Variants in PDZRN4 observed in about 807,000 individuals in gnomAD.
The protein encoded by PDZRN4 is PDZ domain-containing RING finger protein 4.
In PDZRN4, 70 loss-of-function variants were observed where a neutral mutation model predicts 99.0. The ratio of observed to expected loss-of-function variants is 0.71; its 90% CI spans 0.58 to 0.86. PDZRN4 has a LOEUF of 0.86. Among genes scored for constraint, PDZRN4 ranks in the 40% least tolerant of loss-of-function variants. PDZRN4 has a pLI of 0.00. For synonymous variants in PDZRN4, 551 were observed against 501.6 expected (o/e 1.10, Z -1.32); for missense variants, 1,474 against 1,331.2 (o/e 1.11, Z -1.67).
intron 3 of PDZRN4, among the ~76,000 whole-genome samples, chr12:41,317,088 T>A (rs761520258): frequency 2.0e-5 from 1 of 49,126 alleles, no homozygotes; most frequent in Non-Finnish European, 8.0e-5. Context: ...TATTTGTATA[T>A]TACATAGAGA....
At position 41,573,711 on chromosome 12, in the gene PDZRN4, G is replaced by A. The variant is rs1395672965; in HGVS notation, c.2932G>A (p.Gly978Ser). 21 of 1,613,686 alleles carry A rather than the reference G, an allele frequency of 1.3e-5. No homozygotes were observed. Among genetic ancestry groups the A allele is most frequent in the South Asian group, 2.2e-5 (2 of 91,068 alleles). ...GTGTCTCAAGGAGAGCCCTCAGAGC[G>A]GCAGTGAGGGCAAGAAGGAGATCAA... ...LECLKESPQS[G>S]SEGKKEINII... The change falls in exon 10 of 10, where the codon GGC becomes AGC. Residue 978 changes from glycine to serine, a missense_variant. Coordinates refer to ENST00000402685, the MANE Select transcript of PDZRN4 (RefSeq NM_001164595.2).
chr12:41,431,344 G>A (rs552513063), intron 3 of PDZRN4, among the ~76,000 whole-genome samples: 10 of 152,198 alleles, frequency 6.6e-5, no homozygotes, highest in African/African-American at 1.7e-4. Flanking sequence ...TTTTAGAGAC[G>A]AGAAACCAAG....
chr12:41,312,373 TA>T (rs1446160297), intron 3 of PDZRN4, among the ~76,000 whole-genome samples: 3 of 152,188 alleles, frequency 2.0e-5, no homozygotes, highest in African/African-American at 7.2e-5. Flanking sequence ...TTTGTTCTTT[TA>T]ATAAATCCAG....
chr12:41,361,495 T>C (rs1009303398), intron 3 of PDZRN4, among the ~76,000 whole-genome samples: 2 of 152,034 alleles, frequency 1.3e-5, no homozygotes, highest in African/African-American at 2.4e-5. Flanking sequence ...CAAATGGATG[T>C]TCAAACCTGA....
At chr12:41,375,302 G>A (rs1332037559) in intron 3 of PDZRN4, among the ~76,000 whole-genome samples, 1 of 152,170 alleles carries the variant, frequency 6.6e-6, no homozygotes, top group Non-Finnish European at 1.5e-5. Context: ...TTCAACGAGA[G>A]CCAATACATA....
At chr12:41,283,807 C>T (rs1159275779) in intron 3 of PDZRN4, among the ~76,000 whole-genome samples, 3 of 152,166 alleles carry the variant, frequency 2.0e-5, no homozygotes, top group African/African-American at 7.2e-5. Flanking sequence ...TAAGATTCAA[C>T]ATGGCTTCAT....
intron 5 of PDZRN4, among the ~76,000 whole-genome samples, chr12:41,523,493 G>A (rs1938525334): frequency 6.6e-6 from 1 of 152,132 alleles, no homozygotes; most frequent in Non-Finnish European, 1.5e-5. Context: ...TTAAGTGTTA[G>A]TTGGAGCCTG....
At chr12:41,410,205 A>G (rs1952385451) in intron 3 of PDZRN4, among the ~76,000 whole-genome samples, 1 of 152,192 alleles carries the variant, frequency 6.6e-6, no homozygotes, top group African/African-American at 2.4e-5. Flanking sequence ...ATAATTTCTA[A>G]CACGATTTTT....
At chr12:41,196,510 G>A (rs1365214817) in intron 3 of PDZRN4, among the ~76,000 whole-genome samples, 1 of 152,064 alleles carries the variant, frequency 6.6e-6, no homozygotes. Flanking sequence ...TTAGAAAGAA[G>A]ATTATTAGAA....
intron 3 of PDZRN4, among the ~76,000 whole-genome samples, chr12:41,242,232 A>T (rs1360221091): frequency 2.0e-5 from 3 of 152,208 alleles, no homozygotes; most frequent in Non-Finnish European, 4.4e-5. Context: ...AACCCTATTG[A>T]AAAGAAGATG....
chr12:41,316,822 T>C (rs1951641394), intron 3 of PDZRN4, among the ~76,000 whole-genome samples: 1 of 151,584 alleles, frequency 6.6e-6, no homozygotes, highest in South Asian at 2.1e-4. Flanking sequence ...TTGAGGTTTG[T>C]CTATTATTTG....
intron 3 of PDZRN4, among the ~76,000 whole-genome samples, chr12:41,311,675 T>C (rs1951607618): frequency 6.6e-6 from 1 of 152,232 alleles, no homozygotes; most frequent in African/African-American, 2.4e-5. Context: ...GTTGATTATA[T>C]TCAAATTTAA....
At chr12:41,556,666 C>T (rs768203114) in intron 7 of PDZRN4, among the ~76,000 whole-genome samples, 77 of 152,128 alleles carry the variant, frequency 5.1e-4, no homozygotes, top group Admixed American at 7.9e-4. Context: ...TTTTATTCCC[C>T]ACATGGAAAT....
chr12:41,523,421 C>T (rs1007260251), intron 5 of PDZRN4, among the ~76,000 whole-genome samples: 1 of 152,104 alleles, frequency 6.6e-6, no homozygotes, highest in Admixed American at 6.6e-5. Context: ...AGTAGATGGA[C>T]ACATGGAGTT....
intron 3 of PDZRN4, among the ~76,000 whole-genome samples, chr12:41,236,893 A>G (rs1951071422): frequency 6.6e-6 from 1 of 152,032 alleles, no homozygotes; most frequent in Non-Finnish European, 1.5e-5. Context: ...TTCTGCATCT[A>G]TTTTATTTTA....
intron 3 of PDZRN4, among the ~76,000 whole-genome samples, chr12:41,285,176 C>A (rs561684364): frequency 5.3e-5 from 8 of 151,918 alleles, no homozygotes; most frequent in Non-Finnish European, 1.0e-4. Flanking sequence ...AAACAAAAAA[C>A]CCCATCGAAA....
At chr12:41,408,122 A>G (rs531441830) in intron 3 of PDZRN4, among the ~76,000 whole-genome samples, 1 of 152,260 alleles carries the variant, frequency 6.6e-6, no homozygotes, top group African/African-American at 2.4e-5. Flanking sequence ...AATGTCAGAA[A>G]TAATTTCAGG....
chr12:41,470,126 C>A (rs1344814380), intron 3 of PDZRN4, among the ~76,000 whole-genome samples: 1 of 152,000 alleles, frequency 6.6e-6, no homozygotes, highest in Non-Finnish European at 1.5e-5. Flanking sequence ...TGGGTCTCTA[C>A]TCTGTTTATC....
chr12:41,548,969 GA>G (rs1939007698), intron 5 of PDZRN4, among the ~76,000 whole-genome samples: 1 of 152,078 alleles, frequency 6.6e-6, no homozygotes, highest in Non-Finnish European at 1.5e-5. Flanking sequence ...GCTGAAGTTT[GA>G]TTTTTTTTAA....
Sources: gnomAD v4.1 joint callset for allele counts (sites outside exome capture counted in the v4.1 genomes callset) on GRCh38, gnomAD v4.1.1 for gene constraint, MANE v1.5 for transcripts, NCBI Gene and HGNC (gene_info 2026-07-23, HGNC 2026-07-21) for gene names.